The following PCDHGC5 variants were observed in gnomAD, a reference collection of about 807,000 sequenced individuals.
The protein encoded by PCDHGC5 is protocadherin gamma-C5.
PCDHGC5 carries 25 observed loss-of-function variants against 59.0 expected under a neutral mutation model. That is an observed-to-expected ratio of 0.42 (90% CI 0.31 to 0.59). The LOEUF is 0.59. Ranked by LOEUF, PCDHGC5 falls within the 20% of genes least tolerant of loss-of-function variation. The pLI, the probability that PCDHGC5 is intolerant of heterozygous loss-of-function variation, is 0.13. For synonymous variants in PCDHGC5, 434 were observed against 505.5 expected (o/e 0.86, Z 1.90); for missense variants, 1,067 against 1,206.4 (o/e 0.88, Z 1.71).
Position 141,490,122 on chromosome 5 carries a change from C to T in PCDHGC5, c.882C>T (p.Gly294=). 3 of 1,614,260 alleles carry T rather than the reference C, an allele frequency of 1.9e-6. No homozygotes were observed. The highest frequency in any genetic ancestry group is 2.5e-6 in the Non-Finnish European group (3 of 1,180,046). The change falls in exon 1 of 4, where the codon GGC becomes GGT. Residue 294 remains glycine (G), a synonymous_variant. Coordinates refer to ENST00000252087, the MANE Select transcript of PCDHGC5 (RefSeq NM_018929.3). The surrounding 1 kb of genome is among the most constrained non-coding windows in gnomAD (Gnocchi z 5.4). ...CTGAGGCAGTGCGGAACCTCTTTGG[C>T]CTAGACCCTAGCAGTGGGGCAATCC... is the stretch of plus-strand genomic sequence containing the variant. ...HTSEAVRNLF[G]LDPSSGAIHV...
intron 2 of PCDHGC5, among the ~76,000 whole-genome samples, chr5:141,500,587 C>T (rs1418158417): frequency 6.6e-5 from 10 of 152,170 alleles, no homozygotes; most frequent in South Asian, 2.1e-4. Flanking sequence ...ACACTTTATT[C>T]ACATATTAAG....
At chr5:141,492,506 C>T (rs2154587372) in intron 1 of PCDHGC5, among the ~76,000 whole-genome samples, 2 of 152,318 alleles carry the variant, frequency 1.3e-5, no homozygotes, top group South Asian at 4.1e-4. Context: ...ACTCCGGAGC[C>T]TCCTCTCACC....
chr5:141,509,350 G>C (rs2099876432), intron 3 of PCDHGC5, among the ~76,000 whole-genome samples: 5 of 152,142 alleles, frequency 3.3e-5, no homozygotes. Flanking sequence ...GGGCTGGCCT[G>C]GGCATCCCTG....
chr5:141,500,835 A>G (rs965204931), intron 2 of PCDHGC5, among the ~76,000 whole-genome samples: 13 of 152,118 alleles, frequency 8.5e-5, no homozygotes, highest in African/African-American at 3.1e-4. Context: ...TCTAATGCTA[A>G]TGGGCTTTTG....
chr5:141,490,380 T>A lies in PCDHGC5; in HGVS notation c.1140T>A (p.Gly380=). Residue 380 remains glycine, a synonymous_variant, in exon 1 of 4, where the codon GGT becomes GGA. Coordinates refer to ENST00000252087, the MANE Select transcript of PCDHGC5 (RefSeq NM_018929.3). The surrounding 1 kb of genome is among the most constrained non-coding windows in gnomAD (Gnocchi z 5.4). ...TTAATGTGCGAGACCGGGACTCAGG[T>A]AGAAATGGTGAAGTGAGCCTTGATA... The part of the protein sequence containing the change: ...GLFNVRDRDS[G]RNGEVSLDIS... 6.2e-7 allele frequency: 1 copy of A among 1,614,204 alleles called. No homozygotes were observed. The highest frequency in any genetic ancestry group is 1.7e-5 in the Admixed American group (1 of 60,026).
At chr5:141,504,364 G>A (rs764741297) in intron 2 of PCDHGC5, among the ~76,000 whole-genome samples, 2 of 152,116 alleles carry the variant, frequency 1.3e-5, no homozygotes, top group African/African-American at 2.4e-5. Flanking sequence ...GCTTCAGTAG[G>A]AAGCAGGTGG....
chr5:141,494,074 C>A (rs2099751716), intron 1 of PCDHGC5, among the ~76,000 whole-genome samples: 1 of 152,180 alleles, frequency 6.6e-6, no homozygotes, highest in Non-Finnish European at 1.5e-5. Context: ...GGATCCCTCC[C>A]CGCTGCATCC....
chr5:141,505,570 C>A, intron 3 of PCDHGC5, 89 bp downstream of exon 3: 1 of 1,598,160 alleles, frequency 6.3e-7, no homozygotes, highest in South Asian at 1.1e-5. Context: ...GACTGGATGT[C>A]AAACCTGTGT....
rs1247556723 is a variant in PCDHGC5 at position 141,489,841 on chromosome 5, G to A, written c.601G>A (p.Asp201Asn). 6.2e-7 allele frequency: 1 copy of A among 1,614,224 alleles called. No individual in the cohort carries two copies. The highest frequency in any genetic ancestry group is 1.7e-5 in the Admixed American group (1 of 60,032). The change falls in exon 1 of 4, where the codon GAT (aspartate) becomes AAT (asparagine). Residue 201 changes from aspartate (D) to asparagine (N), a missense_variant. Asp to Asn is a conservative substitution (Grantham distance 23). Coordinates refer to ENST00000252087, the MANE Select transcript of PCDHGC5 (RefSeq NM_018929.3). The surrounding 1 kb of genome is among the most constrained non-coding windows in gnomAD (Gnocchi z 4.5). Reference sequence around the variant, plus strand: ...AGAGCTGGTGCTAGAGCAGCAGCTGGATCGTGAAGCCCAGGCAAGACATCA... The same window carrying A: ...AGAGCTGGTGCTAGAGCAGCAGCTGAATCGTGAAGCCCAGGCAAGACATCA... ...FPELVLEQQL[D>N]REAQARHQLV...
At chr5:141,505,574 C>T (rs1275802375) in intron 3 of PCDHGC5, 93 bp downstream of exon 3, 13 of 1,593,636 alleles carry the variant, frequency 8.2e-6, no homozygotes, top group Non-Finnish European at 1.1e-5. Context: ...GGATGTCAAA[C>T]CTGTGTAGTT....
chr5:141,497,062 A>C (rs779414748), intron 2 of PCDHGC5, among the ~76,000 whole-genome samples: 6 of 152,024 alleles, frequency 3.9e-5, no homozygotes, highest in Non-Finnish European at 7.4e-5. Flanking sequence ...GGTGGCAGGC[A>C]CCTGTAATCC....
In PCDHGC5 at chr5:141,505,435, G is replaced by A. The variant is rs1274195652; in HGVS notation, c.2562G>A (p.Gln854=). The change falls in exon 3 of 4, where the codon CAG becomes CAA. Residue 854 remains glutamine, a synonymous_variant. Transcript: ENST00000252087. ...GDDTGTWPNN[Q]FDTEMLQAMI... is the part of the protein sequence containing the mutation. ...ACACCGGCACCTGGCCCAACAACCA[G>A]TTTGACACAGAGATGCTGCAAGCCA... 1 of 1,614,096 alleles carries A rather than the reference G, an allele frequency of 6.2e-7. No homozygotes were observed. Among genetic ancestry groups the A allele is most frequent in the African/African-American group, 1.3e-5 (1 of 74,936 alleles).
chr5:141,503,367 C>T (rs1038565489), intron 2 of PCDHGC5, among the ~76,000 whole-genome samples: 5 of 151,908 alleles, frequency 3.3e-5, no homozygotes, highest in African/African-American at 9.7e-5. Flanking sequence ...GAAGCGGAGG[C>T]AGGTGGATCA....
rs202183643 is a variant in PCDHGC5 at position 141,490,646 on chromosome 5, C to T, written c.1406C>T (p.Pro469Leu). 9 of 1,614,186 alleles carry T rather than the reference C, an allele frequency of 5.6e-6. No homozygotes were observed. Among genetic ancestry groups the T allele is most frequent in the African/African-American group, 2.7e-5 (2 of 75,054 alleles). Reference protein sequence around the residue: ...YTAYILENRPPGSLLCTVAAS... With the variant: ...YTAYILENRPLGSLLCTVAAS... ...GCTTACATCCTAGAAAACCGGCCTC[C>T]GGGCTCCCTTCTTTGCACTGTGGCT... Residue 469 changes from proline to leucine, a missense_variant, in exon 1 of 4, where the codon CCG (proline) becomes CTG (leucine). Transcript: ENST00000252087. The surrounding 1 kb of genome is among the most constrained non-coding windows in gnomAD (Gnocchi z 5.4).
At position 141,494,838 on chromosome 5, in the gene PCDHGC5, C is replaced by T; in HGVS notation, c.2492C>T (p.Ser831Phe). 4.3e-6 allele frequency: 7 copies of T among 1,614,166 alleles called. No homozygotes were observed. Among genetic ancestry groups the T allele is most frequent in the Non-Finnish European group, 3.4e-6 (4 of 1,180,032 alleles). Residue 831 changes from serine (S) to phenylalanine (F), a missense_variant, in exon 2 of 4, where the codon TCT becomes TTT. By Grantham distance (155) the Ser-to-Phe change is radical. Transcript: ENST00000252087. ...CCGCCCAACACGGACTGGCGTTTCT[C>T]TCAGGCCCAGAGACCCGGCACCAGC... ...QAPPNTDWRF[S>F]QAQRPGTSGS...
intron 2 of PCDHGC5, among the ~76,000 whole-genome samples, chr5:141,495,702 T>G (rs1462896403): frequency 6.6e-6 from 1 of 152,212 alleles, no homozygotes; most frequent in African/African-American, 2.4e-5. Context: ...TCAATAAATG[T>G]GGAGTGAGTA....
Position 141,491,874 on chromosome 5 carries a change from T to G in PCDHGC5, c.2460+174T>G, listed in dbSNP as rs1160702024. On this transcript the variant is annotated intron_variant, in intron 1 of 3. Coordinates refer to ENST00000252087, the MANE Select transcript of PCDHGC5 (RefSeq NM_018929.3). The surrounding 1 kb of genome is among the most constrained non-coding windows in gnomAD (Gnocchi z 6.9). ...GTTTGCGCGAAACCAGAGTGGCCGA[T>G]TAAGGGATGGGGCTCCGAGCACCGG... 15 of 1,451,168 alleles carry G rather than the reference T, an allele frequency of 1.0e-5. No homozygotes were observed. The highest frequency in any genetic ancestry group is 1.4e-5 in the Non-Finnish European group (15 of 1,098,162). 89.9% of individuals were successfully genotyped at this position (1,451,168 alleles called of 1,614,324 possible). A position where few individuals can be genotyped will look rare whatever the true frequency, so the allele number is the denominator to read the frequency against.
intron 3 of PCDHGC5, among the ~76,000 whole-genome samples, chr5:141,510,538 G>A (rs1423013528): frequency 1.3e-5 from 2 of 152,216 alleles, no homozygotes; most frequent in East Asian, 1.9e-4. Context: ...AAATACCAGC[G>A]AATGTGTTTT....
Position 141,511,579 on chromosome 5 carries a change from G to T in PCDHGC5, c.*406G>T. The T allele has an allele frequency of 3.6e-6, 1 of 280,798 alleles. No individual in the cohort carries two copies. Among genetic ancestry groups the T allele is most frequent in the South Asian group, 4.1e-5 (1 of 24,614 alleles). 17.4% of individuals were successfully genotyped at this position (280,798 alleles called of 1,614,324 possible). On this transcript the variant is annotated 3_prime_UTR_variant, in exon 4 of 4. Transcript: ENST00000252087. Reference sequence around the variant, plus strand: ...CCTCTTTCCCGAGTAAGGTGGTTGGGGTGTTGAAGTACCAAGTAACCTACA... The same window carrying T: ...CCTCTTTCCCGAGTAAGGTGGTTGGTGTGTTGAAGTACCAAGTAACCTACA...
Sources: allele counts gnomAD v4.1 joint callset (sites outside exome capture counted in the v4.1 genomes callset), GRCh38; gene constraint gnomAD v4.1.1; non-coding constraint Gnocchi (gnomAD v3.1); transcripts MANE v1.5; gene names NCBI Gene and HGNC (gene_info 2026-07-23, HGNC 2026-07-21).